SH3KBP1: variants seen among roughly 807,000 people sequenced by gnomAD.
SH3KBP1 encodes SH3 domain-containing kinase-binding protein 1.
Under a neutral mutation model 50.1 loss-of-function variants are expected in SH3KBP1, and 8 were observed. The ratio of observed to expected loss-of-function variants is 0.16; its 90% CI spans 0.09 to 0.29. SH3KBP1 has a LOEUF of 0.29. SH3KBP1 is among the 10% of genes least tolerant of loss of function. The pLI, the probability that SH3KBP1 is intolerant of heterozygous loss-of-function variation, is 1.00. For synonymous variants in SH3KBP1, 227 were observed against 218.6 expected (o/e 1.04, Z -0.34); for missense variants, 377 against 535.2 (o/e 0.70, Z 2.92).
chrX:19,656,954 T>C (rs1380316394), intron 6 of SH3KBP1, among the ~76,000 whole-genome samples: 1 of 112,070 alleles, frequency 8.9e-6, no homozygotes, highest in African/African-American at 3.2e-5. Flanking sequence ...AAGACAAAAA[T>C]GGGAAATTTC....
At chrX:19,541,822 G>T (rs2064912928) in intron 16 of SH3KBP1, 103 bp downstream of exon 16, 2 of 981,169 alleles carry the variant, frequency 2.0e-6, no homozygotes, top group Non-Finnish European at 2.8e-6. Context: ...GGGAGACCAG[G>T]CCCGCCCTCC....
intron 1 of SH3KBP1, among the ~76,000 whole-genome samples, chrX:19,839,995 G>A (rs150982811): frequency 1.2e-4 from 14 of 112,371 alleles, no homozygotes; most frequent in South Asian, 3.7e-4. Context: ...ATATTCTTCC[G>A]TGCACTAAGG....
intron 1 of SH3KBP1, among the ~76,000 whole-genome samples, chrX:19,840,635 C>G (rs751808269): frequency 6.2e-5 from 7 of 112,079 alleles, no homozygotes; most frequent in African/African-American, 2.3e-4. Context: ...CCCCCAAAAC[C>G]CATTTCCTTG....
At chrX:19,683,740 G>T in intron 6 of SH3KBP1, 83 bp downstream of exon 6, 1 of 898,412 alleles carries the variant, frequency 1.1e-6, no homozygotes. Context: ...AAGAGGAATT[G>T]GAAGCCTCCA....
intron 13 of SH3KBP1, among the ~76,000 whole-genome samples, chrX:19,554,355 T>TTATATATCATATTAATATATAA (rs2065412298): frequency 1.2e-5 from 1 of 85,547 alleles, no homozygotes; most frequent in African/African-American, 5.4e-5. Context: ...TATTAATATA[T>TTATATATCATATTAATATATAA]TATATATCAT....
chrX:19,675,685 C>T (rs1241858484), intron 6 of SH3KBP1, among the ~76,000 whole-genome samples: 1 of 112,012 alleles, frequency 8.9e-6, no homozygotes, highest in South Asian at 3.7e-4. Flanking sequence ...AGCCACCACA[C>T]CCGGCCAACC....
At chrX:19,879,809 A>G (rs2069378149) in intron 1 of SH3KBP1, among the ~76,000 whole-genome samples, 1 of 113,280 alleles carries the variant, frequency 8.8e-6, no homozygotes, top group Non-Finnish European at 1.9e-5. Flanking sequence ...AGAAGGACTG[A>G]TAATGAAGTA....
chrX:19,618,597 T>C (rs1333988765), intron 8 of SH3KBP1, among the ~76,000 whole-genome samples: 1 of 111,428 alleles, frequency 9.0e-6, no homozygotes, highest in Non-Finnish European at 1.9e-5. Context: ...ATATGCAATC[T>C]AAAGTCTTCT....
At chrX:19,687,572 C>A in intron 5 of SH3KBP1, 1 of 1,057,104 alleles carries the variant, frequency 9.5e-7, no homozygotes, top group South Asian at 1.9e-5. Context: ...CACAAGTACC[C>A]AGATCTTATC....
At position 19,534,817 on chromosome X, in the gene SH3KBP1, GCA is replaced by G. The variant is rs2064668233; in HGVS notation, c.*1598_*1599del. 3.7e-5 allele frequency: 11 copies of G among 295,797 alleles called. No homozygotes were observed. The highest frequency in any genetic ancestry group is 5.9e-5 in the Non-Finnish European group (10 of 170,055). 24.4% of individuals were successfully genotyped at this position (295,797 alleles called of 1,213,427 possible). Reference sequence around the variant, plus strand: ...TAACAGCCTCAAGTAGCAAGGATGAGCACATAGGTTAAGAGGAAGGCAGGGGG... The same window carrying G: ...TAACAGCCTCAAGTAGCAAGGATGAGCATAGGTTAAGAGGAAGGCAGGGGG... On this transcript the variant is annotated 3_prime_UTR_variant, in exon 18 of 18. Coordinates refer to ENST00000397821, the MANE Select transcript of SH3KBP1 (RefSeq NM_031892.3).
At chrX:19,808,652 A>G (rs897406625) in intron 2 of SH3KBP1, among the ~76,000 whole-genome samples, 6 of 111,543 alleles carry the variant, frequency 5.4e-5, no homozygotes, top group African/African-American at 2.0e-4. Context: ...GCCCACACTC[A>G]GCCTCCAGCA....
chrX:19,580,693 C>T (rs760716152), intron 12 of SH3KBP1, among the ~76,000 whole-genome samples: 14 of 111,576 alleles, frequency 1.3e-4, no homozygotes, highest in East Asian at 2.8e-4. Flanking sequence ...TTCGGATGCA[C>T]GCCCAGGTGT....
chrX:19,616,138 T>G (rs1019810401), intron 8 of SH3KBP1, among the ~76,000 whole-genome samples: 11 of 111,165 alleles, frequency 9.9e-5, no homozygotes, highest in African/African-American at 3.3e-4. Flanking sequence ...ATTTTTTAAT[T>G]TTTTGTAGAG....
At position 19,779,534 on chromosome X, in the gene SH3KBP1, G is replaced by A. The variant is rs1305146059; in HGVS notation, c.163-33093C>T. On this transcript the variant is annotated intron_variant, in intron 2 of 17. Transcript: ENST00000397821. ...GCTGGTGCGCTGCACCCACTAACTCGTCATCTAGCATTAGGTATATCTCCC... is the reference window on the plus strand; with the variant it reads ...GCTGGTGCGCTGCACCCACTAACTCATCATCTAGCATTAGGTATATCTCCC... Among the ~76,000 whole-genome samples, 20 of 97,826 alleles carry A rather than the reference G, an allele frequency of 2.0e-4. No individual in the cohort carries two copies. The South Asian group carries it at 7.0e-3, about 34-fold the overall frequency. The allele number at this position is 97,826 out of a possible 115,157, so 85.0% of individuals were successfully genotyped here.
chrX:19,737,254 C>T (rs1264534973), intron 3 of SH3KBP1, among the ~76,000 whole-genome samples: 1 of 111,189 alleles, frequency 9.0e-6, no homozygotes, highest in East Asian at 2.8e-4. Context: ...CCCAGAAAAA[C>T]TTCCCTTTGG....
intron 1 of SH3KBP1, among the ~76,000 whole-genome samples, chrX:19,860,280 TAAAA>T (rs35933756): frequency 0.01 from 425 of 41,355 alleles, 8 homozygotes; most frequent in African/African-American, 0.04. Flanking sequence ...ATCCCACCTC[TAAAA>T]AAAAAAAAAA....
intron 1 of SH3KBP1, among the ~76,000 whole-genome samples, chrX:19,871,293 G>C (rs1401908653): frequency 2.7e-5 from 3 of 112,243 alleles, no homozygotes; most frequent in Non-Finnish European, 5.6e-5. Flanking sequence ...AGATATGTTT[G>C]AGGAGTTCCC....
chrX:19,771,163 C>A (rs1054990377), intron 2 of SH3KBP1, among the ~76,000 whole-genome samples: 11 of 112,256 alleles, frequency 9.8e-5, no homozygotes, highest in Non-Finnish European at 1.5e-4. Flanking sequence ...AACAACAACA[C>A]CGCTCATATT....
At chrX:19,759,103 G>A (rs539730485) in intron 2 of SH3KBP1, among the ~76,000 whole-genome samples, 1 of 112,182 alleles carries the variant, frequency 8.9e-6, no homozygotes, top group South Asian at 3.7e-4. Flanking sequence ...CATGAACAAG[G>A]TACTTTTCTA....
Sources: allele counts gnomAD v4.1 joint callset (sites outside exome capture counted in the v4.1 genomes callset), GRCh38; gene constraint gnomAD v4.1.1; transcripts MANE v1.5; gene names NCBI Gene and HGNC (gene_info 2026-07-23, HGNC 2026-07-21).